The following PIBF1 variants were observed in gnomAD, a reference collection of about 807,000 sequenced individuals.
PIBF1 encodes progesterone-induced-blocking factor 1.
A neutral mutation model predicts 112.5 loss-of-function variants in PIBF1; 90 were observed. That is an observed-to-expected ratio of 0.80 (90% CI 0.67 to 0.95). PIBF1 has a LOEUF of 0.95. PIBF1 is among the 40% of genes least tolerant of loss of function. PIBF1 has a pLI of 0.00. For synonymous variants in PIBF1, 301 were observed against 288.6 expected, an observed-to-expected ratio of 1.04 and a Z score of -0.44; for missense variants, 915 against 852.3, an observed-to-expected ratio of 1.07 and a Z score of -0.92.
At chr13:72,997,487 G>A (rs2043717105) in intron 16 of PIBF1, among the ~76,000 whole-genome samples, 1 of 152,176 alleles carries the variant, frequency 6.6e-6, no homozygotes, top group East Asian at 1.9e-4. Flanking sequence ...AAGGAGAAAG[G>A]ATTCTGACAC....
intron 10 of PIBF1, chr13:72,884,644 T>C (rs1007774396): frequency 1.3e-5 from 2 of 152,182 alleles, no homozygotes; most frequent in African/African-American, 4.8e-5. Context: ...TATCCTGAAG[T>C]GTTGGAGATG....
chr13:72,807,222 T>C (rs533006371), intron 5 of PIBF1, among the ~76,000 whole-genome samples: 1 of 151,194 alleles, frequency 6.6e-6, no homozygotes, highest in South Asian at 2.1e-4. Flanking sequence ...AAAACAAAAA[T>C]AGAAGTATTC....
chr13:72,925,586 G>A (rs751636271), intron 13 of PIBF1, among the ~76,000 whole-genome samples: 14 of 128,942 alleles, frequency 1.1e-4, no homozygotes, highest in Non-Finnish European at 2.0e-4. Context: ...CTGTTGCCCA[G>A]GCTGGAGTGC....
chr13:72,815,859 A>G (rs1030585062), intron 5 of PIBF1, among the ~76,000 whole-genome samples: 5 of 152,164 alleles, frequency 3.3e-5, no homozygotes, highest in African/African-American at 7.2e-5. Flanking sequence ...CAATTATTCA[A>G]AAGGCATGAG....
At chr13:72,810,633 C>G (rs978159167) in intron 5 of PIBF1, among the ~76,000 whole-genome samples, 3 of 152,018 alleles carry the variant, frequency 2.0e-5, no homozygotes, top group Admixed American at 2.0e-4. Flanking sequence ...TCTGAGATTT[C>G]TTTTTATCTT....
At position 72,835,372 on chromosome 13, in the gene PIBF1, A is replaced by T; in HGVS notation, c.1223+4A>T. 7.1e-7 allele frequency: 1 copy of T among 1,408,538 alleles called. No individual in the cohort carries two copies. The highest frequency in any genetic ancestry group is 9.5e-7 in the Non-Finnish European group (1 of 1,053,208). The allele number at this position is 1,408,538 out of a possible 1,614,324, so 87.3% of individuals were successfully genotyped here. A position where few individuals can be genotyped will look rare whatever the true frequency, so the allele number is the denominator to read the frequency against. ...AAATGTATGAACGAGAAAACAGGTA[A>T]AAAAAAAAAAATGCTTGTATGGTAT... On this transcript the variant is annotated splice_donor_region_variant and intron_variant, in intron 9 of 17. Transcript: ENST00000326291.
chr13:72,954,648 A>G (rs139146427), intron 14 of PIBF1, among the ~76,000 whole-genome samples: 2 of 152,312 alleles, frequency 1.3e-5, no homozygotes, highest in South Asian at 2.1e-4. Flanking sequence ...TGGGCTGCCC[A>G]GCTTTGCTGT....
At chr13:72,951,097 G>C (rs1395688114) in intron 14 of PIBF1, among the ~76,000 whole-genome samples, 1 of 152,228 alleles carries the variant, frequency 6.6e-6, no homozygotes, top group Admixed American at 6.5e-5. Context: ...ATATTTCTTT[G>C]TGGATAATTA....
intron 9 of PIBF1, among the ~76,000 whole-genome samples, chr13:72,841,891 T>A (rs1245736767): frequency 6.6e-6 from 1 of 152,236 alleles, no homozygotes. Flanking sequence ...TTTGGTACCT[T>A]GTGCCTATGT....
At chr13:72,971,626 A>G (rs541498173) in intron 15 of PIBF1, among the ~76,000 whole-genome samples, 5 of 152,360 alleles carry the variant, frequency 3.3e-5, no homozygotes, top group Admixed American at 1.3e-4. Flanking sequence ...GTAACACTGT[A>G]TAACATTTAT....
chr13:72,954,212 A>T (rs139815131), intron 14 of PIBF1, among the ~76,000 whole-genome samples: 17 of 152,228 alleles, frequency 1.1e-4, no homozygotes, highest in African/African-American at 4.1e-4. Flanking sequence ...TATTCTGCTA[A>T]CAGCAACTAG....
chr13:72,898,318 C>T (rs1381760622), intron 11 of PIBF1, among the ~76,000 whole-genome samples: 2 of 151,726 alleles, frequency 1.3e-5, no homozygotes, highest in African/African-American at 4.8e-5. Context: ...AAGGCAGTGC[C>T]AAGAGGAAAG....
intron 11 of PIBF1, among the ~76,000 whole-genome samples, chr13:72,902,211 C>G (rs1295083542): frequency 6.6e-6 from 1 of 151,954 alleles, no homozygotes; most frequent in Non-Finnish European, 1.5e-5. Flanking sequence ...GAGAATGATA[C>G]AATGGACTTT....
At chr13:72,784,161 C>T (rs939390921) in intron 2 of PIBF1, among the ~76,000 whole-genome samples, 5 of 149,828 alleles carry the variant, frequency 3.3e-5, no homozygotes, top group African/African-American at 1.3e-4. Context: ...ACGTATACTT[C>T]AAAACATTAT....
chr13:72,802,257 C>T (rs377415029), intron 5 of PIBF1, among the ~76,000 whole-genome samples: 16 of 152,122 alleles, frequency 1.1e-4, no homozygotes, highest in Admixed American at 5.9e-4. Flanking sequence ...CATAGTAGAC[C>T]GTCAACAAAT....
Position 73,015,869 on chromosome 13 carries a change from A to T in PIBF1, c.2224A>T (p.Thr742Ser). The stretch of plus-strand genomic sequence containing the variant: ...ATTTTCTTTTTCTTTTTTTAAACAG[A>T]CTAAAAAAGAAGCACCTGAGTGGTC... Reference protein sequence around the residue: ...NIFTPKPTLFTKKEAPEWSKK... With the variant: ...NIFTPKPTLFSKKEAPEWSKK... The change falls in exon 18 of 18, where the codon ACT becomes TCT. Residue 742 changes from threonine to serine, a missense_variant and splice_region_variant. Transcript: ENST00000326291. 1 of 1,565,278 alleles carries T rather than the reference A, an allele frequency of 6.4e-7. No homozygotes were observed. The highest frequency in any genetic ancestry group is 8.7e-7 in the Non-Finnish European group (1 of 1,151,742).
intron 10 of PIBF1, among the ~76,000 whole-genome samples, chr13:72,870,448 T>C (rs549660879): frequency 1.6e-4 from 25 of 152,322 alleles, no homozygotes; most frequent in Admixed American, 9.1e-4. Context: ...TTCTCTTTGT[T>C]GGAGTATGGA....
At chr13:72,965,453 A>G (rs780732538) in intron 15 of PIBF1, 49 bp downstream of exon 15, 46 of 1,457,556 alleles carry the variant, frequency 3.2e-5, no homozygotes, top group Non-Finnish European at 4.1e-5. Context: ...CATTGTTACC[A>G]TATTGCTGCT....
intron 9 of PIBF1, among the ~76,000 whole-genome samples, chr13:72,849,524 G>T (rs1293108215): frequency 6.6e-6 from 1 of 152,174 alleles, no homozygotes; most frequent in Non-Finnish European, 1.5e-5. Context: ...TCTGTGGAAG[G>T]AATACATCTA....
Sources: allele counts gnomAD v4.1 joint callset (sites outside exome capture counted in the v4.1 genomes callset), GRCh38; gene constraint gnomAD v4.1.1; transcripts MANE v1.5; gene names NCBI Gene and HGNC (gene_info 2026-07-23, HGNC 2026-07-21).